The following PCSK6 variants were observed in gnomAD, a reference collection of about 807,000 sequenced individuals.
PCSK6 encodes the protein paired basic amino acid cleaving enzyme 4.
In PCSK6, 85 loss-of-function variants were observed where a neutral mutation model predicts 123.3. The observed-to-expected ratio is 0.69, with a 90% CI of 0.58 to 0.83. The LOEUF (loss-of-function observed/expected upper bound fraction) is 0.83. Among genes scored for constraint, PCSK6 ranks in the 40% least tolerant of loss-of-function variants. PCSK6 has a pLI of 0.00. For missense variants in PCSK6, 1,191 were observed against 1,282.3 expected (o/e 0.93, Z 1.09); for synonymous variants, 508 against 516.0 (o/e 0.98, Z 0.21).
chr15:101,315,736 T>C (rs1221702176), intron 19 of PCSK6, among the ~76,000 whole-genome samples: 2 of 152,244 alleles, frequency 1.3e-5, no homozygotes, highest in Non-Finnish European at 2.9e-5. Flanking sequence ...GGTATGTGTG[T>C]GCCCTGCAGG....
At chr15:101,474,932 T>C (rs1367131959) in intron 1 of PCSK6, among the ~76,000 whole-genome samples, 1 of 152,210 alleles carries the variant, frequency 6.6e-6, no homozygotes, top group African/African-American at 2.4e-5. Context: ...CAGTGGGTCA[T>C]TGAAGGTGAG....
chr15:101,366,135 C>T (rs1445302801), intron 13 of PCSK6, 61 bp downstream of exon 13: 6 of 1,523,738 alleles, frequency 3.9e-6, no homozygotes, highest in Admixed American at 2.0e-5. Context: ...TAAATAAGGC[C>T]CAGAGGTAAA....
chr15:101,331,820 C>T (rs371860169), intron 14 of PCSK6, 32 bp downstream of exon 14: 1 of 1,609,898 alleles, frequency 6.2e-7, no homozygotes, highest in African/African-American at 1.3e-5. Flanking sequence ...CTCGTGGAAG[C>T]TGGCCGTCTC....
At position 101,467,237 on chromosome 15, in the gene PCSK6, C is replaced by T. The variant is rs2057484501; in HGVS notation, c.297+22137G>A. Among the ~76,000 whole-genome samples, 4 of 151,404 alleles carry T rather than the reference C, an allele frequency of 2.6e-5. No homozygotes were observed. The South Asian group carries it at 6.3e-4, about 24-fold the overall frequency. ...CCAAAGAAACTCTGGCATTTGTGTA[C>T]TAGCGGTCTTGTATAAGGCTGTTCT... On this transcript the variant is annotated intron_variant, in intron 1 of 21. Transcript: ENST00000611716.
intron 11 of PCSK6, among the ~76,000 whole-genome samples, chr15:101,372,656 G>A (rs1336269056): frequency 6.6e-6 from 1 of 152,144 alleles, no homozygotes; most frequent in African/African-American, 2.4e-5. Flanking sequence ...AGAATGTAAG[G>A]TGGGTACGTT....
chr15:101,414,990 A>G (rs1443545155), intron 6 of PCSK6, among the ~76,000 whole-genome samples: 3 of 152,266 alleles, frequency 2.0e-5, no homozygotes, highest in Non-Finnish European at 4.4e-5. Flanking sequence ...ACTTTTATCA[A>G]TCAAAGTACA....
chr15:101,405,649 T>G (rs2042750550), intron 6 of PCSK6, among the ~76,000 whole-genome samples: 1 of 151,822 alleles, frequency 6.6e-6, no homozygotes, highest in Non-Finnish European at 1.5e-5. Flanking sequence ...GAGAACTTGA[T>G]GAAATGAATG....
intron 10 of PCSK6, chr15:101,384,057 T>C: frequency 1.1e-6 from 1 of 932,362 alleles, no homozygotes; most frequent in Non-Finnish European, 1.3e-6. Context: ...TGAGTAAATA[T>C]TGGTATAGGT....
intron 1 of PCSK6, among the ~76,000 whole-genome samples, chr15:101,451,473 C>T (rs1311593725): frequency 8.5e-5 from 13 of 152,262 alleles, no homozygotes; most frequent in Admixed American, 5.2e-4. Flanking sequence ...CCCTTCCACA[C>T]GGGAACAGCT....
At chr15:101,414,295 C>A (rs1374629208) in intron 6 of PCSK6, among the ~76,000 whole-genome samples, 1 of 151,890 alleles carries the variant, frequency 6.6e-6, no homozygotes, top group African/African-American at 2.4e-5. Flanking sequence ...CTCAAAATAT[C>A]TTTTAAGAGA....
At chr15:101,445,511 T>A (rs1458182509) in intron 1 of PCSK6, among the ~76,000 whole-genome samples, 1 of 152,256 alleles carries the variant, frequency 6.6e-6, no homozygotes, top group Non-Finnish European at 1.5e-5. Flanking sequence ...CCTATTTTGC[T>A]CACAAGCACT....
At chr15:101,349,452 T>A (rs1308097600) in intron 13 of PCSK6, among the ~76,000 whole-genome samples, 1 of 152,192 alleles carries the variant, frequency 6.6e-6, no homozygotes, top group Admixed American at 6.5e-5. Context: ...AATTCCTGGG[T>A]TCTGTAGAGG....
intron 15 of PCSK6, among the ~76,000 whole-genome samples, chr15:101,328,611 C>T (rs573863348): frequency 6.6e-6 from 1 of 152,060 alleles, no homozygotes; most frequent in African/African-American, 2.4e-5. Context: ...GGACTTCACA[C>T]CCCCCACCCC....
Position 101,412,713 on chromosome 15 carries a change from A to AT in PCSK6, c.824-14138_824-14137insA, listed in dbSNP as rs201205244. ...AAATTATATATATATATATATATATAAAATTACCCAATCTGAACAACATAA... is the reference window on the plus strand; with the variant it reads ...AAATTATATATATATATATATATATATAAATTACCCAATCTGAACAACATAA... On this transcript the variant is annotated intron_variant, in intron 6 of 21. Coordinates refer to ENST00000611716, the MANE Select transcript of PCSK6 (RefSeq NM_002570.5). 8.9e-3 allele frequency among the ~76,000 whole-genome samples: 1,002 copies of AT among 112,652 alleles called. 13 individuals are homozygous for AT. Among genetic ancestry groups the AT allele is most frequent in the East Asian group, 0.037 (134 of 3,618 alleles). The allele number at this position is 112,652 out of a possible 152,430, so 73.9% of individuals were successfully genotyped here. A position where few individuals can be genotyped will look rare whatever the true frequency, so the allele number is the denominator to read the frequency against.
chr15:101,425,372 G>A (rs900791688), intron 6 of PCSK6, among the ~76,000 whole-genome samples: 4 of 152,190 alleles, frequency 2.6e-5, no homozygotes, highest in African/African-American at 9.7e-5. Context: ...ACCTCTGGGT[G>A]AGGTGCTCTA....
chr15:101,370,714 G>A (rs2041558313), intron 11 of PCSK6, among the ~76,000 whole-genome samples, 191 bp from the exon 12 acceptor site: 1 of 152,274 alleles, frequency 6.6e-6, no homozygotes, highest in African/African-American at 2.4e-5. Context: ...CTGTCCTGAA[G>A]ACGTTTATGC....
intron 3 of PCSK6, 158 bp from the exon 4 acceptor site, chr15:101,431,621 C>G: frequency 1.1e-6 from 1 of 878,408 alleles, no homozygotes. Context: ...CTTTCCCACT[C>G]GGATCGAGAA....
chr15:101,466,320 T>C (rs2057459166), intron 1 of PCSK6, among the ~76,000 whole-genome samples: 1 of 152,050 alleles, frequency 6.6e-6, no homozygotes, highest in Non-Finnish European at 1.5e-5. Context: ...AACCACTCCA[T>C]CTATGAGATG....
intron 1 of PCSK6, among the ~76,000 whole-genome samples, chr15:101,447,745 C>T (rs1435414525): frequency 2.0e-5 from 3 of 152,282 alleles, no homozygotes; most frequent in Non-Finnish European, 4.4e-5. Flanking sequence ...TGGGTGGCTG[C>T]TGCTTGGCTG....
Sources: allele counts gnomAD v4.1 joint callset (sites outside exome capture counted in the v4.1 genomes callset), GRCh38; gene constraint gnomAD v4.1.1; transcripts MANE v1.5; gene names NCBI Gene and HGNC (gene_info 2026-07-23, HGNC 2026-07-21).